PLCB3: variants seen among roughly 807,000 people sequenced by gnomAD.
The protein encoded by PLCB3 is 1-phosphatidylinositol 4,5-bisphosphate phosphodiesterase beta-3.
PLCB3 carries 54 observed loss-of-function variants against 152.1 expected under a neutral mutation model. That is an observed-to-expected ratio of 0.36 (90% CI 0.29 to 0.45). The LOEUF (loss-of-function observed/expected upper bound fraction) is 0.45. Among genes scored for constraint, PLCB3 ranks in the 20% least tolerant of loss-of-function variants. The probability of loss-of-function intolerance (pLI) is 1.00; values close to 1 mark genes in which losing one functional copy is unlikely to be tolerated. For synonymous variants in PLCB3, 717 were observed against 698.7 expected (o/e 1.03, Z -0.41); for missense variants, 1,248 against 1,687.5 (o/e 0.74, Z 4.56).
chr11:64,267,628 C>CTTT lies in PLCB3; in HGVS notation c.*87_*89dup. 19 of 772,786 alleles carry CTTT rather than the reference C, an allele frequency of 2.5e-5. No homozygotes were observed. Among genetic ancestry groups the CTTT allele is most frequent in the Admixed American group, 6.4e-5 (2 of 31,164 alleles). 47.9% of individuals were successfully genotyped at this position (772,786 alleles called of 1,614,324 possible). A position where few individuals can be genotyped will look rare whatever the true frequency, so the allele number is the denominator to read the frequency against. On this transcript the variant is annotated 3_prime_UTR_variant, in exon 31 of 31. Transcript: ENST00000279230. The surrounding 1 kb of genome is among the most constrained non-coding windows in gnomAD (Gnocchi z 5.2). ...AGGGCAGGAGGCAATGACACTAATG[C>CTTT]TTTTTTTTTTTTTTTTTAACTTTTT...
chr11:64,258,994 G>T lies in PLCB3; in HGVS notation c.1338+25G>T. ...GGTACGGGAGCTCGGAGCGAGGGGG[G>T]TGGCATGGGGGCCAGGGTGCTGCGG... is the stretch of plus-strand genomic sequence containing the variant. On this transcript the variant is annotated intron_variant, in intron 12 of 30. Transcript: ENST00000279230. This position sits in a 1 kb window ranked among gnomAD's most constrained non-coding sequence, Gnocchi z 7.2. The T allele has an allele frequency of 1.2e-6, 2 of 1,613,406 alleles. No individual in the cohort carries two copies. Among genetic ancestry groups the T allele is most frequent in the Non-Finnish European group, 1.7e-6 (2 of 1,179,660 alleles).
At position 64,255,843 on chromosome 11, in the gene PLCB3, C is replaced by T; in HGVS notation, c.698+22C>T. On this transcript the variant is annotated intron_variant, in intron 8 of 30. Coordinates refer to ENST00000279230, the MANE Select transcript of PLCB3 (RefSeq NM_000932.5). This position sits in a 1 kb window ranked among gnomAD's most constrained non-coding sequence, Gnocchi z 6.8. ...AGATGTGAGTGGGCCCGGCCTGCCT[C>T]ACAACCCCTGTGCTCTGTGTTTAGC... The T allele has an allele frequency of 6.6e-7, 1 of 1,515,772 alleles. No homozygotes were observed. The highest frequency in any genetic ancestry group is 1.1e-5 in the South Asian group (1 of 89,208). The allele number at this position is 1,515,772 out of a possible 1,614,324, so 93.9% of individuals were successfully genotyped here.
chr11:64,259,327 AC>A, intron 13 of PLCB3, 83 bp downstream of exon 13: 4 of 1,140,962 alleles, frequency 3.5e-6, no homozygotes, highest in Non-Finnish European at 4.8e-6. Context: ...TTCATCCCAG[AC>A]CCCCAGCCCA....
intron 1 of PLCB3, among the ~76,000 whole-genome samples, chr11:64,252,283 T>C (rs890195592): frequency 2.0e-5 from 3 of 152,074 alleles, no homozygotes; most frequent in African/African-American, 7.2e-5. Flanking sequence ...AGCTCCCTGT[T>C]CAGATGGGAG....
chr11:64,265,838 A>G (rs775113802), intron 25 of PLCB3, 48 bp from the exon 26 acceptor site: 1 of 1,595,332 alleles, frequency 6.3e-7, no homozygotes, highest in South Asian at 1.1e-5. Flanking sequence ...TCCCCATCCC[A>G]GTCCATGTGA....
At chr11:64,254,036 G>T (rs1408874347) in intron 1 of PLCB3, among the ~76,000 whole-genome samples, 1 of 152,126 alleles carries the variant, frequency 6.6e-6, no homozygotes, top group Non-Finnish European at 1.5e-5. Context: ...CAGCACTTCT[G>T]GGGAAACTGA....
At position 64,254,932 on chromosome 11, in the gene PLCB3, G is replaced by T; in HGVS notation, c.281G>T (p.Gly94Val). 1 of 1,604,250 alleles carries T rather than the reference G, an allele frequency of 6.2e-7. No individual in the cohort carries two copies. The highest frequency in any genetic ancestry group is 8.5e-7 in the Non-Finnish European group (1 of 1,174,132). ...ATCCGGGAAGTTCTGGGCTTTGGGG[G>T]TCCCGATGCCCGGCTGGAGGAGAAG... is the stretch of plus-strand genomic sequence containing the variant. ...PKIREVLGFGGPDARLEEKLM... is the reference protein window; with the variant it reads ...PKIREVLGFGVPDARLEEKLM... Residue 94 changes from glycine to valine, a missense_variant, in exon 4 of 31, where the codon GGT (glycine) becomes GTT (valine). By Grantham distance (109) the Gly-to-Val change is moderately radical. Transcript: ENST00000279230.
chr11:64,255,624 G>A lies in PLCB3; in HGVS notation c.597+8G>A, dbSNP rs1450619076. 2 of 1,611,612 alleles carry A rather than the reference G, an allele frequency of 1.2e-6. No individual in the cohort carries two copies. Among genetic ancestry groups the A allele is most frequent in the Non-Finnish European group, 1.7e-6 (2 of 1,178,146 alleles). Reference sequence around the variant, plus strand: ...GGCCTCAAATTCAACCGGGTGTGTGGGGTGGGGACAGGGGCGGGGTGGGGT... The same window carrying A: ...GGCCTCAAATTCAACCGGGTGTGTGAGGTGGGGACAGGGGCGGGGTGGGGT... On this transcript the variant is annotated splice_region_variant and intron_variant, in intron 7 of 30. Coordinates refer to ENST00000279230, the MANE Select transcript of PLCB3 (RefSeq NM_000932.5). The surrounding 1 kb of genome is among the most constrained non-coding windows in gnomAD (Gnocchi z 6.8).
rs1023947996 is a variant in PLCB3, at chr11:64,262,399, C to T, written c.2039-8C>T. Reference sequence around the variant, plus strand: ...CTGCCCCTGCTCGACGTGCCCGTGGCACCCCAGATGTGGCGATGCAGCTCA... The same window carrying T: ...CTGCCCCTGCTCGACGTGCCCGTGGTACCCCAGATGTGGCGATGCAGCTCA... On this transcript the variant is annotated splice_polypyrimidine_tract_variant and splice_region_variant and intron_variant, in intron 17 of 30. Transcript: ENST00000279230. 1.2e-6 allele frequency: 2 copies of T among 1,609,250 alleles called. No individual in the cohort carries two copies. Among genetic ancestry groups the T allele is most frequent in the East Asian group, 4.5e-5 (2 of 44,724 alleles).
At position 64,267,320 on chromosome 11, in the gene PLCB3, G is replaced by T. The variant is rs1284850407; in HGVS notation, c.3502-33G>T. The T allele has an allele frequency of 1.3e-6, 2 of 1,550,484 alleles. No individual in the cohort carries two copies. The highest frequency in any genetic ancestry group is 2.4e-5 in the South Asian group (2 of 84,052). ...GGCAGACGGGGTGCAAGGCAGCCAGGCCTCGCCTGTGATGCCCATCCTTCT... is the reference window on the plus strand; with the variant it reads ...GGCAGACGGGGTGCAAGGCAGCCAGTCCTCGCCTGTGATGCCCATCCTTCT... On this transcript the variant is annotated intron_variant, in intron 30 of 30. Coordinates refer to ENST00000279230, the MANE Select transcript of PLCB3 (RefSeq NM_000932.5). This position sits in a 1 kb window ranked among gnomAD's most constrained non-coding sequence, Gnocchi z 5.2.
Position 64,251,762 on chromosome 11 carries a change from C to T in PLCB3, c.99+14C>T, listed in dbSNP as rs1450341866. 8.7e-6 allele frequency: 12 copies of T among 1,382,012 alleles called. No individual in the cohort carries two copies. Among genetic ancestry groups the T allele is most frequent in the Non-Finnish European group, 1.1e-5 (11 of 1,045,126 alleles). 85.6% of individuals were successfully genotyped at this position (1,382,012 alleles called of 1,614,324 possible). The stretch of plus-strand genomic sequence containing the variant: ...AAATGGGACGAGGTAAGCGCGCGGG[C>T]CCCTGCTCCGCCCAAATCCCGGGAC... On this transcript the variant is annotated intron_variant, in intron 1 of 30. Transcript: ENST00000279230.
At position 64,267,562 on chromosome 11, in the gene PLCB3, C is replaced by T; in HGVS notation, c.*6C>T. ...AGGAGAACACGCAGCTCTGAACTGG[C>T]TGAGCGAGGTGGCCACAGGGCCAGG... On this transcript the variant is annotated 3_prime_UTR_variant, in exon 31 of 31. Coordinates refer to ENST00000279230, the MANE Select transcript of PLCB3 (RefSeq NM_000932.5). This position sits in a 1 kb window ranked among gnomAD's most constrained non-coding sequence, Gnocchi z 5.2. 6.4e-7 allele frequency: 1 copy of T among 1,557,292 alleles called. No individual in the cohort carries two copies. Among genetic ancestry groups the T allele is most frequent in the South Asian group, 1.2e-5 (1 of 85,442 alleles).
Position 64,259,241 on chromosome 11 carries a change from C to A in PLCB3, c.1522C>A (p.Leu508Met). ...SAATEPSSPQ[L>M]GSPSSDSCPG... ...GGCCACCGAGCCCTCCTCCCCGCAG[C>A]TGGGTAGGCCCCAGCCCGGCCCGCC... is the stretch of plus-strand genomic sequence containing the variant. Residue 508 changes from leucine (L) to methionine (M), a missense_variant, in exon 13 of 31, where the codon CTG becomes ATG. This residue lies in a region of PLCB3 where 105 missense variants were observed against 100.9 expected (regional missense o/e 1.04). Transcript: ENST00000279230. The A allele has an allele frequency of 6.5e-7, 1 of 1,527,228 alleles. No homozygotes were observed. Among genetic ancestry groups the A allele is most frequent in the Non-Finnish European group, 8.8e-7 (1 of 1,137,094 alleles). 94.6% of individuals were successfully genotyped at this position (1,527,228 alleles called of 1,614,324 possible).
At chr11:64,268,220 C>T (rs984057738), downstream of PLCB3, among the ~76,000 whole-genome samples, 2 of 152,182 alleles carry the variant, frequency 1.3e-5, no homozygotes, top group Non-Finnish European at 2.9e-5. Flanking sequence ...TTCCCTGCCC[C>T]GCTTCCTGTG....
chr11:64,262,214 C>T (rs1407070185), intron 17 of PLCB3, 138 bp downstream of exon 17: 4 of 1,353,934 alleles, frequency 3.0e-6, no homozygotes, highest in Non-Finnish European at 4.2e-6. Flanking sequence ...TCCCGACTCA[C>T]CCCGCCTCCT....
In PLCB3 at chr11:64,266,276, T is replaced by C. The variant is rs28395880; in HGVS notation, c.3267-39T>C. ...AGAAGGAGGGCAGAGTCTGTGCTTC[T>C]GCCGCTGACCCCTCCTCTTCCCCTG... On this transcript the variant is annotated intron_variant, in intron 27 of 30. Transcript: ENST00000279230. The surrounding 1 kb of genome is among the most constrained non-coding windows in gnomAD (Gnocchi z 4.9). 0.067 allele frequency: 107,957 copies of C among 1,613,490 alleles called. 4,326 individuals are homozygous for C. Among genetic ancestry groups the C allele is most frequent in the Admixed American group, 0.14 (8,430 of 59,928 alleles).
At position 64,259,160 on chromosome 11, in the gene PLCB3, G is replaced by T; in HGVS notation, c.1441G>T (p.Ala481Ser). 6.2e-7 allele frequency: 1 copy of T among 1,607,314 alleles called. No homozygotes were observed. Among genetic ancestry groups the T allele is most frequent in the Non-Finnish European group, 8.5e-7 (1 of 1,177,380 alleles). Reference sequence around the variant, plus strand: ...ACCCAGCGCAGGTGGCCCAGACAGCGCCGGGCGCAAGCGGCCCCTGGAGCA... The same window carrying T: ...ACCCAGCGCAGGTGGCCCAGACAGCTCCGGGCGCAAGCGGCCCCTGGAGCA... ...HRPSAGGPDS[A>S]GRKRPLEQSN... The change falls in exon 13 of 31, where the codon GCC becomes TCC. Residue 481 changes from alanine to serine, a missense_variant. Ala to Ser is a moderately conservative substitution (Grantham distance 99). Coordinates refer to ENST00000279230, the MANE Select transcript of PLCB3 (RefSeq NM_000932.5).
chr11:64,263,456 C>T, intron 19 of PLCB3, 42 bp from the exon 20 acceptor site: 1 of 1,343,676 alleles, frequency 7.4e-7, no homozygotes, highest in South Asian at 1.3e-5. Flanking sequence ...GCCACAGTGG[C>T]CCAGGGTCAG....
Position 64,255,639 on chromosome 11 carries a change from CG to C in PLCB3, c.597+27del, listed in dbSNP as rs776202323. 7.7e-6 allele frequency: 5 copies of C among 645,544 alleles called. No homozygotes were observed. Among genetic ancestry groups the C allele is most frequent in the Admixed American group, 2.1e-5 (1 of 46,862 alleles). 40.0% of individuals were successfully genotyped at this position (645,544 alleles called of 1,614,324 possible). ...CGGGTGTGTGGGGTGGGGACAGGGG[CG>C]GGGTGGGGTGTCACGGTGGGCACCC... On this transcript the variant is annotated intron_variant, in intron 7 of 30. Transcript: ENST00000279230. This position sits in a 1 kb window ranked among gnomAD's most constrained non-coding sequence, Gnocchi z 6.8.
Sources: gnomAD v4.1 joint callset for allele counts (sites outside exome capture counted in the v4.1 genomes callset) on GRCh38, gnomAD v4.1.1 for gene constraint, gnomAD v4.1.1 regional missense constraint, Gnocchi (gnomAD v3.1) non-coding constraint, MANE v1.5 for transcripts, NCBI Gene and HGNC (gene_info 2026-07-23, HGNC 2026-07-21) for gene names.